Variants in LRRC4C observed in about 807,000 individuals in gnomAD.
The protein encoded by LRRC4C is leucine-rich repeat-containing protein 4C.
Under a neutral mutation model 33.6 loss-of-function variants are expected in LRRC4C, and 5 were observed. That is an observed-to-expected ratio of 0.15 (90% CI 0.08 to 0.31). The LOEUF (loss-of-function observed/expected upper bound fraction) is 0.31, where lower values mean the gene tolerates loss of function less well. Among genes scored for constraint, LRRC4C ranks in the 10% least tolerant of loss-of-function variants. The pLI is 1.00. For synonymous variants in LRRC4C, 329 were observed against 302.0 expected (o/e 1.09, Z -0.93); for missense variants, 560 against 796.7 (o/e 0.70, Z 3.58).
At chr11:41,221,701 T>C (rs1223383883) in intron 1 of LRRC4C, among the ~76,000 whole-genome samples, 1 of 152,196 alleles carries the variant, frequency 6.6e-6, no homozygotes, top group East Asian at 1.9e-4. Context: ...TTGTTAAAGT[T>C]TATAAATCTA....
intron 1 of LRRC4C, among the ~76,000 whole-genome samples, chr11:40,949,181 T>C (rs1030655023): frequency 6.6e-6 from 1 of 152,202 alleles, no homozygotes; most frequent in Non-Finnish European, 1.5e-5. Flanking sequence ...GAGAAGTGTC[T>C]GTTCATGTCC....
At chr11:41,170,499 T>A (rs1360070546) in intron 1 of LRRC4C, among the ~76,000 whole-genome samples, 2 of 152,142 alleles carry the variant, frequency 1.3e-5, no homozygotes, top group African/African-American at 4.8e-5. Flanking sequence ...AAACAAGAAA[T>A]GGGGAAAGGA....
intron 1 of LRRC4C, among the ~76,000 whole-genome samples, chr11:41,232,797 A>T (rs1259804294): frequency 6.6e-6 from 1 of 151,548 alleles, no homozygotes; most frequent in African/African-American, 2.4e-5. Flanking sequence ...ATAGTGAAAG[A>T]CTAAATGCCA....
intron 3 of LRRC4C, among the ~76,000 whole-genome samples, chr11:40,605,682 C>T (rs953804348): frequency 6.6e-6 from 1 of 152,138 alleles, no homozygotes; most frequent in South Asian, 2.1e-4. Context: ...AACTGCATCT[C>T]AGCAGTTTCT....
At chr11:41,043,130 T>G (rs895754503) in intron 1 of LRRC4C, among the ~76,000 whole-genome samples, 13 of 149,258 alleles carry the variant, frequency 8.7e-5, no homozygotes, top group African/African-American at 3.2e-4. Flanking sequence ...AGTATTTGAT[T>G]TGATGAGCTT....
intron 1 of LRRC4C, among the ~76,000 whole-genome samples, chr11:41,034,606 CGT>C (rs376682520): frequency 0.01 from 1,138 of 108,418 alleles, 15 homozygotes; most frequent in African/African-American, 0.031. Flanking sequence ...AATATGGTGA[CGT>C]ATATATATAT....
intron 1 of LRRC4C, among the ~76,000 whole-genome samples, chr11:41,185,598 G>C (rs1565460569): frequency 1.3e-5 from 2 of 152,106 alleles, no homozygotes; most frequent in African/African-American, 4.8e-5. Context: ...AGTATTTAGT[G>C]GAGAAAAGGT....
intron 2 of LRRC4C, among the ~76,000 whole-genome samples, chr11:40,864,429 A>C (rs1954254423): frequency 6.6e-6 from 1 of 152,114 alleles, no homozygotes; most frequent in Admixed American, 6.6e-5. Context: ...TTATCTGAAA[A>C]TCCCTTACAT....
In LRRC4C at chr11:41,434,651, T is replaced by C. The variant is rs553531576; in HGVS notation, c.-496+24780A>G. ...AAGGATACTCCTACCATCTATGTCC[T>C]GAAGTTTTCACACTACAAAGACTAG... On this transcript the variant is annotated intron_variant, in intron 1 of 6. Coordinates refer to ENST00000528697, the MANE Select transcript of LRRC4C (RefSeq NM_001258419.2). 4.6e-5 allele frequency among the ~76,000 whole-genome samples: 7 copies of C among 152,312 alleles called. No homozygotes were observed. In the East Asian group the frequency reaches 1.4e-3, roughly 29 times the overall value.
chr11:40,559,779 G>A (rs1957475296), intron 3 of LRRC4C, among the ~76,000 whole-genome samples: 1 of 152,042 alleles, frequency 6.6e-6, no homozygotes, highest in Non-Finnish European at 1.5e-5. Flanking sequence ...GGTACGAGTG[G>A]TATCTCATTG....
chr11:41,249,050 T>TC (rs1471893542), intron 1 of LRRC4C, among the ~76,000 whole-genome samples: 4 of 151,992 alleles, frequency 2.6e-5, no homozygotes, highest in African/African-American at 9.7e-5. Flanking sequence ...TTTTTTTTTT[T>TC]TTGAGATGGA....
intron 3 of LRRC4C, among the ~76,000 whole-genome samples, chr11:40,403,736 C>G (rs1949852275): frequency 6.6e-6 from 1 of 151,996 alleles, no homozygotes; most frequent in Non-Finnish European, 1.5e-5. Flanking sequence ...AAACAAAATA[C>G]TAATCAATTA....
At chr11:41,412,535 GA>G (rs1407943005) in intron 1 of LRRC4C, among the ~76,000 whole-genome samples, 3 of 152,098 alleles carry the variant, frequency 2.0e-5, no homozygotes, top group Admixed American at 6.6e-5. Context: ...GGGTGATTAA[GA>G]CCAGTTAAAT....
intron 1 of LRRC4C, among the ~76,000 whole-genome samples, chr11:41,349,842 A>G (rs1375914352): frequency 1.3e-5 from 2 of 152,216 alleles, no homozygotes; most frequent in Non-Finnish European, 2.9e-5. Context: ...GTATTTATTA[A>G]TTCTTATAAG....
chr11:40,115,001 G>A lies in LRRC4C; in HGVS notation c.1292C>T (p.Ser431Phe). ...GGCTGAAGCAGTAGTATTCCCAACGGAATTACTCACCATACATGTGTACAT... is the reference window on the plus strand; with the variant it reads ...GGCTGAAGCAGTAGTATTCCCAACGAAATTACTCACCATACATGTGTACAT... Reference protein sequence around the residue: ...TGMYTCMVSNSVGNTTASATL... With the variant: ...TGMYTCMVSNFVGNTTASATL... The change falls in exon 7 of 7, where the codon TCC becomes TTC. Residue 431 changes from serine to phenylalanine, a missense_variant. By Grantham distance (155) the Ser-to-Phe change is radical. Transcript: ENST00000528697. This position sits in a 1 kb window ranked among gnomAD's most constrained non-coding sequence, Gnocchi z 6.7. 13 of 1,614,204 alleles carry A rather than the reference G, an allele frequency of 8.1e-6. No individual in the cohort carries two copies. The highest frequency in any genetic ancestry group is 3.3e-4 in the Middle Eastern group (2 of 6,060).
chr11:40,555,452 A>G (rs1156861621), intron 3 of LRRC4C, among the ~76,000 whole-genome samples: 1 of 152,210 alleles, frequency 6.6e-6, no homozygotes, highest in Non-Finnish European at 1.5e-5. Context: ...AAACAGCAAT[A>G]GGAGGAAAAT....
chr11:40,979,368 A>G (rs1214108318), intron 1 of LRRC4C, among the ~76,000 whole-genome samples: 1 of 152,236 alleles, frequency 6.6e-6, no homozygotes, highest in Admixed American at 6.5e-5. Context: ...CAATAAATTA[A>G]TGACTTAATC....
chr11:40,410,140 GA>G (rs904366248), intron 3 of LRRC4C, among the ~76,000 whole-genome samples: 11 of 148,668 alleles, frequency 7.4e-5, no homozygotes, highest in South Asian at 2.1e-4. Context: ...GCTCTTTACA[GA>G]AAAAAAAAAT....
intron 3 of LRRC4C, among the ~76,000 whole-genome samples, chr11:40,538,649 T>A (rs1956578250): frequency 6.6e-6 from 1 of 152,188 alleles, no homozygotes; most frequent in Non-Finnish European, 1.5e-5. Context: ...TATATACCAG[T>A]AATGGGATAG....
Sources: allele counts gnomAD v4.1 joint callset (sites outside exome capture counted in the v4.1 genomes callset), GRCh38; gene constraint gnomAD v4.1.1; non-coding constraint Gnocchi (gnomAD v3.1); transcripts MANE v1.5; gene names NCBI Gene and HGNC (gene_info 2026-07-23, HGNC 2026-07-21).